The following NPR3 variants were observed in gnomAD, a reference collection of about 807,000 sequenced individuals.
NPR3 encodes atrial natriuretic peptide receptor 3.
Under a neutral mutation model 54.5 loss-of-function variants are expected in NPR3, and 34 were observed. The observed-to-expected ratio is 0.62, with a 90% CI of 0.47 to 0.83. The LOEUF (loss-of-function observed/expected upper bound fraction) is 0.83, where lower values mean the gene tolerates loss of function less well. Ranked by LOEUF, NPR3 falls within the 40% of genes least tolerant of loss-of-function variation. The probability of loss-of-function intolerance (pLI) is 0.00; values close to 1 mark genes in which losing one functional copy is unlikely to be tolerated. For missense variants in NPR3, 674 were observed against 720.8 expected (o/e 0.94, Z 0.74); for synonymous variants, 289 against 297.1 (o/e 0.97, Z 0.28).
At chr5:32,716,996 A>AACCCCCCC (rs1561079842) in intron 1 of NPR3, among the ~76,000 whole-genome samples, 3 of 109,670 alleles carry the variant, frequency 2.7e-5, no homozygotes, top group African/African-American at 3.7e-5. Context: ...CCATCCCCCA[A>AACCCCCCC]CCCCCCCACC....
chr5:32,758,210 C>A (rs991530144), intron 3 of NPR3, among the ~76,000 whole-genome samples: 1 of 152,104 alleles, frequency 6.6e-6, no homozygotes, highest in Non-Finnish European at 1.5e-5. Context: ...TGGTAGAATT[C>A]GGCTGTGAAT....
intron 1 of NPR3, among the ~76,000 whole-genome samples, chr5:32,721,702 A>C (rs1159758106): frequency 6.6e-6 from 1 of 152,208 alleles, no homozygotes; most frequent in Non-Finnish European, 1.5e-5. Flanking sequence ...GAATGTGTCC[A>C]TCAGAAGGAC....
At chr5:32,771,937 A>G (rs3811958) in intron 3 of NPR3, among the ~76,000 whole-genome samples, 50,747 of 151,680 alleles carry the variant, frequency 0.33, 9,662 homozygotes, top group African/African-American at 0.53. Context: ...AAATTATCAA[A>G]GAGAAGATAG....
At position 32,711,704 on chromosome 5, in the gene NPR3, G is replaced by C; in HGVS notation, c.-73G>C. The C allele has an allele frequency of 7.2e-7, 1 of 1,387,694 alleles. No individual in the cohort carries two copies. The highest frequency in any genetic ancestry group is 9.3e-7 in the Non-Finnish European group (1 of 1,073,502). The allele number at this position is 1,387,694 out of a possible 1,614,324, so 86.0% of individuals were successfully genotyped here. A position where few individuals can be genotyped will look rare whatever the true frequency, so the allele number is the denominator to read the frequency against. ...GGGACCTTGGAGAGAAGAGTGGGGA[G>C]GAAAGAGGAAGGGTGGGTGGGGGGC... is the stretch of plus-strand genomic sequence containing the variant. On this transcript the variant is annotated 5_prime_UTR_variant, in exon 1 of 8. Coordinates refer to ENST00000265074, the MANE Select transcript of NPR3 (RefSeq NM_001204375.2).
Position 32,742,397 on chromosome 5 carries a change from G to A in NPR3, c.1059+3367G>A, listed in dbSNP as rs1297678685. 2.0e-5 allele frequency among the ~76,000 whole-genome samples: 3 copies of A among 152,036 alleles called. No homozygotes were observed. In the East Asian group the frequency reaches 5.8e-4, roughly 29 times the overall value. On this transcript the variant is annotated intron_variant, in intron 3 of 7. Transcript: ENST00000265074. ...AGGTACTTGGGAAGCTGAGGTGGGA[G>A]AATTGCTTAAGTCCAGGACTTTGAG... is the stretch of plus-strand genomic sequence containing the variant.
In NPR3 at chr5:32,791,421, T is replaced by C. The variant is rs1742904928; in HGVS notation, c.*5076T>C. On this transcript the variant is annotated 3_prime_UTR_variant, in exon 8 of 8. Transcript: ENST00000265074. Reference sequence around the variant, plus strand: ...CATGAGTCTGGTAGAAAAGTAAAAGTAAAAGCTGCACACGTTACATACTGT... The same window carrying C: ...CATGAGTCTGGTAGAAAAGTAAAAGCAAAAGCTGCACACGTTACATACTGT... The C allele has an allele frequency of 6.0e-6, 1 of 167,096 alleles. No individual in the cohort carries two copies. Among genetic ancestry groups the C allele is most frequent in the Non-Finnish European group, 1.5e-5 (1 of 68,112 alleles). 10.4% of individuals were successfully genotyped at this position (167,096 alleles called of 1,614,324 possible).
At chr5:32,714,873 G>A (rs966672765) in intron 1 of NPR3, among the ~76,000 whole-genome samples, 2 of 152,144 alleles carry the variant, frequency 1.3e-5, no homozygotes, top group African/African-American at 2.4e-5. Flanking sequence ...CTCAGTCACC[G>A]GCTGGGGGAT....
chr5:32,754,082 G>A lies in NPR3; in HGVS notation c.1059+15052G>A, dbSNP rs1300964635. Among the ~76,000 whole-genome samples the A allele has an allele frequency of 5.3e-5, 8 of 152,324 alleles. No individual in the cohort carries two copies. In the South Asian group the frequency reaches 1.7e-3, roughly 32 times the overall value. On this transcript the variant is annotated intron_variant, in intron 3 of 7. Coordinates refer to ENST00000265074, the MANE Select transcript of NPR3 (RefSeq NM_001204375.2). ...GCCACTGTACTAACCAAGGACTCTG[G>A]TGTTTGATGCTGACAGCAGCCACAG...
chr5:32,772,094 A>G (rs933295197), intron 3 of NPR3, among the ~76,000 whole-genome samples: 3 of 152,218 alleles, frequency 2.0e-5, no homozygotes, highest in African/African-American at 7.2e-5. Flanking sequence ...GGAAAATCAA[A>G]TTGGCATAGC....
At chr5:32,772,585 T>G (rs13359080) in intron 3 of NPR3, among the ~76,000 whole-genome samples, 12 of 152,150 alleles carry the variant, frequency 7.9e-5, no homozygotes, top group South Asian at 4.1e-4. Flanking sequence ...TCTCTCCTAC[T>G]GAGTGTAAAA....
chr5:32,785,138 A>AT (rs11427729), intron 7 of NPR3, among the ~76,000 whole-genome samples: 6,193 of 90,852 alleles, frequency 0.068, 760 homozygotes, highest in African/African-American at 0.091. Flanking sequence ...TTGATCACAG[A>AT]TTTTTTTTTT....
chr5:32,727,894 T>C lies in NPR3; in HGVS notation c.892+3074T>C, dbSNP rs544188412. On this transcript the variant is annotated intron_variant, in intron 2 of 7. Coordinates refer to ENST00000265074, the MANE Select transcript of NPR3 (RefSeq NM_001204375.2). ...GAATAATATCATATAACAGGGGTGA[T>C]ACTTTAAATTTTGACTTCTGTCATG... Among the ~76,000 whole-genome samples the C allele has an allele frequency of 2.0e-5, 3 of 152,374 alleles. No homozygotes were observed. In the South Asian group the frequency reaches 6.2e-4, roughly 32 times the overall value.
intron 3 of NPR3, among the ~76,000 whole-genome samples, chr5:32,756,352 A>G (rs1236393498): frequency 6.6e-5 from 10 of 152,248 alleles, no homozygotes; most frequent in African/African-American, 2.4e-4. Context: ...TCTGATGGCC[A>G]GTGATGATGA....
At chr5:32,710,745 G>T (rs1437899878), upstream of NPR3, 19 of 1,548,018 alleles carry the variant, frequency 1.2e-5, no homozygotes, top group South Asian at 2.2e-4. Flanking sequence ...CTCGCCCCGC[G>T]TCGGTGCTTC....
chr5:32,723,133 A>G (rs1738952044), intron 1 of NPR3, among the ~76,000 whole-genome samples: 1 of 152,220 alleles, frequency 6.6e-6, no homozygotes, highest in South Asian at 2.1e-4. Flanking sequence ...CCATGCTTTT[A>G]CAAAGAACAT....
chr5:32,751,598 C>T (rs903470292), intron 3 of NPR3, among the ~76,000 whole-genome samples: 7 of 152,136 alleles, frequency 4.6e-5, no homozygotes, highest in Non-Finnish European at 7.3e-5. Flanking sequence ...TGTTTTTTCT[C>T]CTTATTTAGA....
At chr5:32,768,492 T>C (rs996924856) in intron 3 of NPR3, among the ~76,000 whole-genome samples, 1 of 152,196 alleles carries the variant, frequency 6.6e-6, no homozygotes. Context: ...CAAAAACTGA[T>C]GCCTACAGAG....
chr5:32,777,608 T>G (rs181612568), intron 4 of NPR3, among the ~76,000 whole-genome samples: 12 of 152,328 alleles, frequency 7.9e-5, no homozygotes, highest in Admixed American at 3.9e-4. Context: ...TTGTCCTCAG[T>G]TCTTAGAAAG....
In NPR3 at chr5:32,789,020, C is replaced by T. The variant is rs1231294996; in HGVS notation, c.*2675C>T. On this transcript the variant is annotated 3_prime_UTR_variant, in exon 8 of 8. Coordinates refer to ENST00000265074, the MANE Select transcript of NPR3 (RefSeq NM_001204375.2). Reference sequence around the variant, plus strand: ...GGGATTTACGTTCCTAACTGCTAAGCAACATCTTTGACAACTAGTAATTCA... The same window carrying T: ...GGGATTTACGTTCCTAACTGCTAAGTAACATCTTTGACAACTAGTAATTCA... The T allele has an allele frequency of 1.9e-5, 3 of 155,168 alleles. No individual in the cohort carries two copies. Among genetic ancestry groups the T allele is most frequent in the African/African-American group, 7.2e-5 (3 of 41,448 alleles). The allele number at this position is 155,168 out of a possible 1,614,324, so 9.6% of individuals were successfully genotyped here. A position where few individuals can be genotyped will look rare whatever the true frequency, so the allele number is the denominator to read the frequency against.
Sources: allele counts gnomAD v4.1 joint callset (sites outside exome capture counted in the v4.1 genomes callset), GRCh38; gene constraint gnomAD v4.1.1; transcripts MANE v1.5; gene names NCBI Gene and HGNC (gene_info 2026-07-23, HGNC 2026-07-21).